The following PCDHGA2 variants were observed in gnomAD, a reference collection of about 807,000 sequenced individuals.
PCDHGA2 encodes the protein protocadherin gamma-A2.
PCDHGA2 carries 40 observed loss-of-function variants against 59.2 expected under a neutral mutation model. That is an observed-to-expected ratio of 0.68 (90% CI 0.52 to 0.88). The LOEUF is 0.88. Among genes scored for constraint, PCDHGA2 ranks in the 40% least tolerant of loss-of-function variants. The pLI is 0.00. For synonymous variants in PCDHGA2, 560 were observed against 526.0 expected, an observed-to-expected ratio of 1.06 and a Z score of -0.89; for missense variants, 1,226 against 1,204.0, an observed-to-expected ratio of 1.02 and a Z score of -0.27.
chr5:141,402,110 T>G (rs900421956), intron 1 of PCDHGA2, among the ~76,000 whole-genome samples: 1 of 152,150 alleles, frequency 6.6e-6, no homozygotes, highest in Admixed American at 6.5e-5. Context: ...ATTACAAAAA[T>G]GTGAAAATTT....
chr5:141,348,552 A>G (rs1758140457), intron 1 of PCDHGA2, among the ~76,000 whole-genome samples: 1 of 152,260 alleles, frequency 6.6e-6, no homozygotes, highest in Non-Finnish European at 1.5e-5. Context: ...TAAGAATTCT[A>G]TATGAAACAT....
intron 1 of PCDHGA2, chr5:141,422,116 T>A (rs753281558): frequency 2.5e-6 from 4 of 1,604,730 alleles, no homozygotes; most frequent in Non-Finnish European, 3.4e-6. Context: ...CCAATTGGAT[T>A]CACAAACTGG....
At chr5:141,351,772 C>A in intron 1 of PCDHGA2, 1 of 1,613,538 alleles carries the variant, frequency 6.2e-7, no homozygotes, top group Non-Finnish European at 8.5e-7. Context: ...TGTCCGTGAG[C>A]CCGCAGAGCG....
intron 1 of PCDHGA2, chr5:141,355,546 A>T: frequency 6.2e-7 from 1 of 1,613,986 alleles, no homozygotes; most frequent in South Asian, 1.1e-5. Flanking sequence ...TACAGTGAAG[A>T]TTTTGCGGGT....
At position 141,430,677 on chromosome 5, in the gene PCDHGA2, T is replaced by C. The variant is rs888907330; in HGVS notation, c.2425-64130T>C. On this transcript the variant is annotated intron_variant, in intron 1 of 3. Coordinates refer to ENST00000394576, the MANE Select transcript of PCDHGA2 (RefSeq NM_018915.4). ...AACGGAGGAGCTCTGACTTCCCAAC[T>C]GTCCCATTCTATGGGCGAAGGAACT... 1.2e-5 allele frequency: 15 copies of C among 1,303,020 alleles called. No individual in the cohort carries two copies. In the African/African-American group the frequency reaches 2.1e-4, roughly 18 times the overall value. The allele number at this position is 1,303,020 out of a possible 1,614,324, so 80.7% of individuals were successfully genotyped here. A position where few individuals can be genotyped will look rare whatever the true frequency, so the allele number is the denominator to read the frequency against.
intron 1 of PCDHGA2, among the ~76,000 whole-genome samples, chr5:141,397,283 A>G: frequency 6.6e-6 from 1 of 152,232 alleles, no homozygotes; most frequent in East Asian, 1.9e-4. Context: ...TGGGCAGTAT[A>G]CTTGAATGAA....
intron 1 of PCDHGA2, chr5:141,418,374 T>C: frequency 1.2e-6 from 2 of 1,613,968 alleles, no homozygotes; most frequent in Non-Finnish European, 1.7e-6. Flanking sequence ...AAATACCAAC[T>C]AAGTCCTAAC....
At chr5:141,466,864 C>G (rs925681539) in intron 1 of PCDHGA2, among the ~76,000 whole-genome samples, 24 of 151,910 alleles carry the variant, frequency 1.6e-4, no homozygotes, top group African/African-American at 5.3e-4. Flanking sequence ...TTTTGAAATC[C>G]ACACATTTTT....
rs769514553 is a variant in PCDHGA2, at chr5:141,490,072, G to T, written c.2425-4735G>T. On this transcript the variant is annotated intron_variant, in intron 1 of 3. Transcript: ENST00000394576. The surrounding 1 kb of genome is among the most constrained non-coding windows in gnomAD (Gnocchi z 5.4). Reference sequence around the variant, plus strand: ...AGACGAGGGCACCAACGGCCAACTAGACTATTCTTTTGGAGACCACACATC... The same window carrying T: ...AGACGAGGGCACCAACGGCCAACTATACTATTCTTTTGGAGACCACACATC... 2 of 1,614,254 alleles carry T rather than the reference G, an allele frequency of 1.2e-6. No homozygotes were observed. Among genetic ancestry groups the T allele is most frequent in the South Asian group, 2.2e-5 (2 of 91,090 alleles).
At chr5:141,428,099 C>G (rs1304120001) in intron 1 of PCDHGA2, 4 of 1,608,710 alleles carry the variant, frequency 2.5e-6, no homozygotes, top group Non-Finnish European at 2.5e-6. Flanking sequence ...TGTCCTACCA[C>G]GTGCTGCAGG....
intron 1 of PCDHGA2, chr5:141,357,243 A>G (rs1301532002): frequency 6.2e-7 from 1 of 1,613,644 alleles, no homozygotes; most frequent in African/African-American, 1.3e-5. Flanking sequence ...TCAAGCCTTC[A>G]GCAGACCCAG....
intron 1 of PCDHGA2, chr5:141,399,954 G>A (rs1327007587): frequency 3.7e-6 from 6 of 1,612,110 alleles, no homozygotes; most frequent in Non-Finnish European, 4.2e-6. Context: ...AGGCTAGCGA[G>A]CCCGGGCTCT....
chr5:141,464,271 A>AT (rs1336006891), intron 1 of PCDHGA2, among the ~76,000 whole-genome samples: 1 of 136,538 alleles, frequency 7.3e-6, no homozygotes, highest in Non-Finnish European at 1.5e-5. Flanking sequence ...TCTAAAAAAA[A>AT]AAAAAAGCAA....
intron 1 of PCDHGA2, among the ~76,000 whole-genome samples, chr5:141,353,193 TG>T (rs957597858): frequency 6.6e-6 from 1 of 152,202 alleles, no homozygotes; most frequent in African/African-American, 2.4e-5. Flanking sequence ...TGGCAAATCT[TG>T]CTAAAGAGAC....
At position 141,428,400 on chromosome 5, in the gene PCDHGA2, G is replaced by T. The variant is rs373595231; in HGVS notation, c.2425-66407G>T. 3 of 483,290 alleles carry T rather than the reference G, an allele frequency of 6.2e-6. No individual in the cohort carries two copies. The East Asian group carries it at 1.2e-4, about 20-fold the overall frequency. 29.9% of individuals were successfully genotyped at this position (483,290 alleles called of 1,614,324 possible). ...GATGCTCTTCCAGCCCCTCTGCCTGGGGTTGCTTTCACCCTGGTCTCTGTT... is the reference window on the plus strand; with the variant it reads ...GATGCTCTTCCAGCCCCTCTGCCTGTGGTTGCTTTCACCCTGGTCTCTGTT... On this transcript the variant is annotated intron_variant, in intron 1 of 3. Coordinates refer to ENST00000394576, the MANE Select transcript of PCDHGA2 (RefSeq NM_018915.4).
chr5:141,408,329 A>G (rs2095085203), intron 1 of PCDHGA2: 1 of 1,613,698 alleles, frequency 6.2e-7, no homozygotes, highest in Admixed American at 1.7e-5. Context: ...GGAGCTGGCC[A>G]AGGGCTCGGT....
chr5:141,364,385 C>T, intron 1 of PCDHGA2: 1 of 1,591,060 alleles, frequency 6.3e-7, no homozygotes, highest in Non-Finnish European at 8.6e-7. Context: ...GCCCTTCATG[C>T]TCCTGGGGAC....
chr5:141,414,123 C>T (rs1328389134), intron 1 of PCDHGA2: 1 of 1,592,532 alleles, frequency 6.3e-7, no homozygotes. Flanking sequence ...ATGAAGAAAC[C>T]GGTTTCTATG....
At chr5:141,403,614 G>A (rs772617526) in intron 1 of PCDHGA2, 4 of 1,613,750 alleles carry the variant, frequency 2.5e-6, no homozygotes, top group Non-Finnish European at 3.4e-6. Flanking sequence ...GGCGAGCCGC[G>A]TCGCTCCAGC....
Sources: gnomAD v4.1 joint callset for allele counts (sites outside exome capture counted in the v4.1 genomes callset) on GRCh38, gnomAD v4.1.1 for gene constraint, Gnocchi (gnomAD v3.1) non-coding constraint, MANE v1.5 for transcripts, NCBI Gene and HGNC (gene_info 2026-07-23, HGNC 2026-07-21) for gene names.